Variants in B3GALT1 observed in about 807,000 individuals in gnomAD.
B3GALT1 encodes the protein UDP-Gal:betaGlcNAc beta 1,3-galactosyltransferase, polypeptide 1.
B3GALT1 carries 10 observed loss-of-function variants against 23.2 expected under a neutral mutation model. The ratio of observed to expected loss-of-function variants is 0.43; its 90% CI spans 0.27 to 0.73. B3GALT1 has a LOEUF of 0.73. Among genes scored for constraint, B3GALT1 ranks in the 30% least tolerant of loss-of-function variants. The pLI, the probability that B3GALT1 is intolerant of heterozygous loss-of-function variation, is 0.21. For missense variants in B3GALT1, 299 were observed against 405.4 expected (o/e 0.74, Z 2.25); for synonymous variants, 156 against 141.5 (o/e 1.10, Z -0.73).
At chr2:167,342,433 C>CA (rs1035793713) in intron 1 of B3GALT1, among the ~76,000 whole-genome samples, 1 of 151,558 alleles carries the variant, frequency 6.6e-6, no homozygotes, top group African/African-American at 2.4e-5. Flanking sequence ...ACTAAAAATA[C>CA]AAAAAAATTA....
chr2:167,774,485 G>GTTTTTTTTTTTTTTTTTTTTTTT (rs767692581), intron 3 of B3GALT1, among the ~76,000 whole-genome samples: 1 of 105,180 alleles, frequency 9.5e-6, no homozygotes, highest in Non-Finnish European at 2.0e-5. Context: ...TTTTTTTTTT[G>GTTTTTTTTTTTTTTTTTTTTTTT]TTTTTTTTTT....
intron 3 of B3GALT1, among the ~76,000 whole-genome samples, chr2:167,703,024 G>A (rs552766274): frequency 5.9e-5 from 9 of 152,284 alleles, no homozygotes; most frequent in African/African-American, 1.7e-4. Context: ...TCTATTTCTA[G>A]AGAGTGAATG....
At chr2:167,553,065 G>A (rs536586861) in intron 2 of B3GALT1, among the ~76,000 whole-genome samples, 1 of 152,180 alleles carries the variant, frequency 6.6e-6, no homozygotes, top group South Asian at 2.1e-4. Flanking sequence ...AATATTTATT[G>A]TATCATCATC....
At chr2:167,675,963 T>C (rs1258059470) in intron 3 of B3GALT1, among the ~76,000 whole-genome samples, 4 of 151,480 alleles carry the variant, frequency 2.6e-5, no homozygotes, top group Non-Finnish European at 5.9e-5. Flanking sequence ...CTCCAGAGAT[T>C]TCCAAAGCAG....
At chr2:167,319,838 T>C (rs1696780576) in intron 1 of B3GALT1, among the ~76,000 whole-genome samples, 1 of 152,274 alleles carries the variant, frequency 6.6e-6, no homozygotes, top group East Asian at 1.9e-4. Context: ...CCTTTTGTTA[T>C]GATTACCGCC....
At chr2:167,563,979 G>A (rs1460283037) in intron 2 of B3GALT1, among the ~76,000 whole-genome samples, 26 of 144,068 alleles carry the variant, frequency 1.8e-4, no homozygotes, top group African/African-American at 6.5e-4. Context: ...CTTCCGGACG[G>A]GGCAGCCGGC....
chr2:167,840,797 C>T (rs1417865587), intron 4 of B3GALT1, among the ~76,000 whole-genome samples: 1 of 146,424 alleles, frequency 6.8e-6, no homozygotes, highest in African/African-American at 2.6e-5. Context: ...CAATGATAGA[C>T]TGGATTAAGA....
chr2:167,298,397 T>C (rs1696391043), intron 1 of B3GALT1, among the ~76,000 whole-genome samples: 1 of 152,092 alleles, frequency 6.6e-6, no homozygotes, highest in South Asian at 2.1e-4. Context: ...ATCTACTAGT[T>C]TGTGCATTTT....
chr2:167,614,789 A>G (rs1311257120), intron 2 of B3GALT1, among the ~76,000 whole-genome samples: 1 of 152,040 alleles, frequency 6.6e-6, no homozygotes, highest in Non-Finnish European at 1.5e-5. Context: ...ACATATTTCA[A>G]ATACATTAGA....
At chr2:167,610,116 A>G (rs57699447) in intron 2 of B3GALT1, among the ~76,000 whole-genome samples, 6,477 of 152,212 alleles carry the variant, frequency 0.043, 599 homozygotes, top group East Asian at 0.28. Flanking sequence ...AGACAGTGCT[A>G]TCTTTTAGCG....
intron 4 of B3GALT1, among the ~76,000 whole-genome samples, chr2:167,830,696 A>G (rs1220905266): frequency 6.6e-6 from 1 of 152,264 alleles, no homozygotes; most frequent in East Asian, 1.9e-4. Flanking sequence ...AGTTTGATGT[A>G]AAAATAAGCA....
rs567516370 is a variant in B3GALT1, at chr2:167,845,354, C to A, written c.-229-23457C>A. ...CACAGAGTCCATTGCACCCCCCAAC[C>A]ACCTCCACCAGAACAGGTGCTGGTA... is the stretch of plus-strand genomic sequence containing the variant. On this transcript the variant is annotated intron_variant, in intron 4 of 4. Transcript: ENST00000392690. Among the ~76,000 whole-genome samples, 10 of 152,270 alleles carry A rather than the reference C, an allele frequency of 6.6e-5. No homozygotes were observed. In the East Asian group the frequency reaches 1.9e-3, roughly 29 times the overall value.
At chr2:167,439,882 C>T (rs1698851656) in intron 1 of B3GALT1, among the ~76,000 whole-genome samples, 1 of 151,516 alleles carries the variant, frequency 6.6e-6, no homozygotes, top group Admixed American at 6.6e-5. Flanking sequence ...TTCCATTATC[C>T]CTCTTTCATG....
chr2:167,803,048 A>C (rs540676530), intron 3 of B3GALT1, among the ~76,000 whole-genome samples: 1 of 151,324 alleles, frequency 6.6e-6, no homozygotes, highest in South Asian at 2.1e-4. Context: ...TAATTAATTC[A>C]TCACTGCTGA....
chr2:167,425,678 G>C (rs1023955719), intron 1 of B3GALT1, among the ~76,000 whole-genome samples: 2 of 152,160 alleles, frequency 1.3e-5, no homozygotes, highest in Non-Finnish European at 2.9e-5. Flanking sequence ...TTCAGTGCCA[G>C]CTTTTCTCAG....
chr2:167,409,364 C>T (rs12104569), intron 1 of B3GALT1, among the ~76,000 whole-genome samples: 15,415 of 152,070 alleles, frequency 0.1, 938 homozygotes, highest in African/African-American at 0.18. Flanking sequence ...TGATTCTATT[C>T]TCCCTGTCAC....
At chr2:167,565,680 A>C (rs75734998) in intron 2 of B3GALT1, among the ~76,000 whole-genome samples, 1 of 152,236 alleles carries the variant, frequency 6.6e-6, no homozygotes, top group African/African-American at 2.4e-5. Context: ...AACCCCATCA[A>C]AAAGTGGGCA....
intron 3 of B3GALT1, among the ~76,000 whole-genome samples, chr2:167,676,449 T>C (rs549089141): frequency 6.6e-6 from 1 of 151,840 alleles, no homozygotes; most frequent in East Asian, 1.9e-4. Context: ...TGAATTTTTA[T>C]CAACTCTTCC....
chr2:167,548,722 GTGTGTCTA>G, intron 2 of B3GALT1, among the ~76,000 whole-genome samples: 1 of 151,228 alleles, frequency 6.6e-6, no homozygotes, highest in South Asian at 2.1e-4. Context: ...GTGTGTATGT[GTGTGTCTA>G]TGTATGAAAT....
Sources: allele counts gnomAD v4.1 joint callset (sites outside exome capture counted in the v4.1 genomes callset), GRCh38; gene constraint gnomAD v4.1.1; transcripts MANE v1.5; gene names NCBI Gene and HGNC (gene_info 2026-07-23, HGNC 2026-07-21).